Variants in FOXRED2 observed in about 807,000 individuals in gnomAD.
FOXRED2 encodes FAD dependent oxidoreductase domain containing 2.
In FOXRED2, 32 loss-of-function variants were observed where a neutral mutation model predicts 52.5. That is an observed-to-expected ratio of 0.61 (90% CI 0.46 to 0.82). The LOEUF is 0.82. Ranked by LOEUF, FOXRED2 falls within the 40% of genes least tolerant of loss-of-function variation. FOXRED2 has a pLI of 0.00. For synonymous variants in FOXRED2, 405 were observed against 398.1 expected, an observed-to-expected ratio of 1.02 and a Z score of -0.21; for missense variants, 848 against 937.5, an observed-to-expected ratio of 0.90 and a Z score of 1.25.
Position 36,504,347 on chromosome 22 carries a change from A to G in FOXRED2, c.800T>C (p.Leu267Pro), listed in dbSNP as rs776892431. The change falls in exon 4 of 9, where the codon CTG (leucine) becomes CCG (proline). Residue 267 changes from leucine (L) to proline (P), a missense_variant. Physicochemically the swap from Leu to Pro is moderately conservative, Grantham distance 98. Coordinates refer to ENST00000397224, the MANE Select transcript of FOXRED2 (RefSeq NM_001102371.2). ...CAGGGACTTGAGCTGGTAGGTATCC[A>G]GCAGGCCATTGTTGATGGCTCTGAG... ...GDLRAINNGL[L>P]DTYQLKSLDG... 1 of 1,614,160 alleles carries G rather than the reference A, an allele frequency of 6.2e-7. No individual in the cohort carries two copies. The highest frequency in any genetic ancestry group is 1.1e-5 in the South Asian group (1 of 91,084).
At chr22:36,493,932 G>C in intron 7 of FOXRED2, 129 bp from the exon 8 acceptor site, 1 of 744,372 alleles carries the variant, frequency 1.3e-6, no homozygotes, top group Non-Finnish European at 2.2e-6. Context: ...TTTCCCGACA[G>C]CCTCCTATGC....
At chr22:36,497,844 T>A in intron 6 of FOXRED2, 147 bp downstream of exon 6, 1 of 862,700 alleles carries the variant, frequency 1.2e-6, no homozygotes, top group Non-Finnish European at 1.8e-6. Flanking sequence ...AATGTCATTG[T>A]TTTTCCCCAG....
chr22:36,505,149 G>C (rs1479081209), intron 2 of FOXRED2, among the ~76,000 whole-genome samples: 1 of 152,146 alleles, frequency 6.6e-6, no homozygotes, highest in Non-Finnish European at 1.5e-5. Context: ...TCCCCTTTCT[G>C]AGTCCTCTGA....
chr22:36,497,217 G>A (rs978899726), intron 6 of FOXRED2, among the ~76,000 whole-genome samples: 1 of 151,846 alleles, frequency 6.6e-6, no homozygotes, highest in African/African-American at 2.4e-5. Flanking sequence ...GTGGGTGCCT[G>A]TAATCCCAGC....
chr22:36,490,109 C>T lies in FOXRED2; in HGVS notation c.1954G>A (p.Glu652Lys). ...TCGCCAAGCTGCTGGCTGCTGTCCT[C>T]CAGGCGCCTGCCTGTGGGGGCATAG... Reference protein sequence around the residue: ...RDYAPTGRRLEDSSQQLGDQE... With the variant: ...RDYAPTGRRLKDSSQQLGDQE... Residue 652 changes from glutamate (E) to lysine (K), a missense_variant, in exon 9 of 9, where the codon GAG becomes AAG. Physicochemically the swap from Glu to Lys is moderately conservative, Grantham distance 56. Coordinates refer to ENST00000397224, the MANE Select transcript of FOXRED2 (RefSeq NM_001102371.2). 1 of 1,613,928 alleles carries T rather than the reference C, an allele frequency of 6.2e-7. No homozygotes were observed. The highest frequency in any genetic ancestry group is 1.1e-5 in the South Asian group (1 of 91,076).
chr22:36,497,955 G>C, intron 6 of FOXRED2, 36 bp downstream of exon 6: 4 of 1,595,116 alleles, frequency 2.5e-6, no homozygotes, highest in Non-Finnish European at 3.4e-6. Context: ...CGGGAAAGCT[G>C]GGCCGAGGGG....
rs368259845 is a variant in FOXRED2 at position 36,504,189 on chromosome 22, G to C, written c.958C>G (p.Gln320Glu). 72 of 1,614,240 alleles carry C rather than the reference G, an allele frequency of 4.5e-5. No homozygotes were observed. The Middle Eastern group carries it at 8.2e-4, about 18-fold the overall frequency. ...ATGGCAAAGTTGTCATTGTCGTCCT[G>C]GGGGAGGGTGATGGAGTCGGCACTC... ...NQSADSITLP[Q>E]DDNDNFAMRV... The change falls in exon 4 of 9, where the codon CAG becomes GAG. Residue 320 changes from glutamine (Q) to glutamate (E), a missense_variant. Transcript: ENST00000397224.
Position 36,504,839 on chromosome 22 carries a change from GACCC to G in FOXRED2, c.528-77_528-74del, listed in dbSNP as rs371724380. On this transcript the variant is annotated intron_variant, in intron 2 of 8. Coordinates refer to ENST00000397224, the MANE Select transcript of FOXRED2 (RefSeq NM_001102371.2). Reference sequence around the variant, plus strand: ...ACCACTAAGTGAAAACCACTCCCTGGACCCACCCACCCACCTGCCTGGCTCCAAC... The same window carrying G: ...ACCACTAAGTGAAAACCACTCCCTGGACCCACCCACCTGCCTGGCTCCAAC... 5.3e-5 allele frequency: 81 copies of G among 1,529,126 alleles called. No homozygotes were observed. In the Middle Eastern group the frequency reaches 1.7e-3, roughly 32 times the overall value. 94.7% of individuals were successfully genotyped at this position (1,529,126 alleles called of 1,614,324 possible). A position where few individuals can be genotyped will look rare whatever the true frequency, so the allele number is the denominator to read the frequency against.
rs1933641424 is a variant in FOXRED2 at position 36,487,695 on chromosome 22, T to C, written c.*2313A>G. On this transcript the variant is annotated 3_prime_UTR_variant, in exon 9 of 9. Transcript: ENST00000397224. ...TATGATATCCTACATTATCATGGGGTAAACAATTCGTCCCTGACAGAATAA... is the reference window on the plus strand; with the variant it reads ...TATGATATCCTACATTATCATGGGGCAAACAATTCGTCCCTGACAGAATAA... 1 of 152,150 alleles carries C rather than the reference T, an allele frequency of 6.6e-6. No individual in the cohort carries two copies. The highest frequency in any genetic ancestry group is 1.5e-5 in the Non-Finnish European group (1 of 68,032). The allele number at this position is 152,150 out of a possible 1,614,324, so 9.4% of individuals were successfully genotyped here. A position where few individuals can be genotyped will look rare whatever the true frequency, so the allele number is the denominator to read the frequency against.
chr22:36,494,046 G>A (rs1933829760), intron 7 of FOXRED2, among the ~76,000 whole-genome samples: 1 of 152,236 alleles, frequency 6.6e-6, no homozygotes, highest in Non-Finnish European at 1.5e-5. Flanking sequence ...AGGCAGTGCT[G>A]AAGCTAACAA....
At chr22:36,499,709 AACTG>A (rs1933994100) in intron 5 of FOXRED2, among the ~76,000 whole-genome samples, 1 of 151,998 alleles carries the variant, frequency 6.6e-6, no homozygotes, top group Non-Finnish European at 1.5e-5. Flanking sequence ...CTAACCACCT[AACTG>A]AATACTGTAT....
chr22:36,504,896 T>C, intron 2 of FOXRED2, 130 bp from the exon 3 acceptor site: 5 of 893,114 alleles, frequency 5.6e-6, no homozygotes, highest in Non-Finnish European at 8.5e-6. Flanking sequence ...AAATAGGACA[T>C]TCATTCATTC....
Position 36,504,517 on chromosome 22 carries a change from G to A in FOXRED2, c.777C>T (p.Leu259=). 6.2e-7 allele frequency: 1 copy of A among 1,614,150 alleles called. No individual in the cohort carries two copies. Among genetic ancestry groups the A allele is most frequent in the Non-Finnish European group, 8.5e-7 (1 of 1,180,022 alleles). ...ACACATGCGGGGATGTGGCCTACCT[G>A]AGGTCTCCAACGTAGTGGGTGGCCC... is the stretch of plus-strand genomic sequence containing the variant. The part of the protein sequence containing the change: ...LSWATHYVGD[L]RAINNGLLDT... Residue 259 remains leucine, a splice_region_variant and synonymous_variant, in exon 3 of 9, where the codon CTC becomes CTT. Transcript: ENST00000397224.
At chr22:36,498,244 T>C (rs1933956551) in intron 5 of FOXRED2, 88 bp from the exon 6 acceptor site, 2 of 1,467,136 alleles carry the variant, frequency 1.4e-6, no homozygotes, top group African/African-American at 2.8e-5. Flanking sequence ...CATTGACCCC[T>C]GAGAACGCCA....
rs1289129542 is a variant in FOXRED2, at chr22:36,505,823, T to C, written c.527+73A>G. 2.7e-6 allele frequency: 4 copies of C among 1,480,804 alleles called. No individual in the cohort carries two copies. The African/African-American group carries it at 5.6e-5, about 21-fold the overall frequency. The allele number at this position is 1,480,804 out of a possible 1,614,324, so 91.7% of individuals were successfully genotyped here. A position where few individuals can be genotyped will look rare whatever the true frequency, so the allele number is the denominator to read the frequency against. ...TTTCGTCCATTCCTCCCATACCTAC[T>C]GGCCAATCAAGGTGTGTGGTTCGTG... is the stretch of plus-strand genomic sequence containing the variant. On this transcript the variant is annotated intron_variant, in intron 2 of 8. Coordinates refer to ENST00000397224, the MANE Select transcript of FOXRED2 (RefSeq NM_001102371.2).
In FOXRED2 at chr22:36,489,763, G is replaced by A; in HGVS notation, c.*245C>T. The stretch of plus-strand genomic sequence containing the variant: ...CTCCATTGCAGACAAACTGGGCTGG[G>A]GAAGGCAGCTCCCACCTGGCAGAGG... On this transcript the variant is annotated 3_prime_UTR_variant, in exon 9 of 9. Coordinates refer to ENST00000397224, the MANE Select transcript of FOXRED2 (RefSeq NM_001102371.2). The A allele has an allele frequency of 2.3e-6, 1 of 436,148 alleles. No homozygotes were observed. The highest frequency in any genetic ancestry group is 4.1e-6 in the Non-Finnish European group (1 of 243,834). The allele number at this position is 436,148 out of a possible 1,614,324, so 27.0% of individuals were successfully genotyped here. A position where few individuals can be genotyped will look rare whatever the true frequency, so the allele number is the denominator to read the frequency against.
intron 8 of FOXRED2, among the ~76,000 whole-genome samples, chr22:36,492,749 C>T (rs748291391): frequency 6.6e-6 from 1 of 152,156 alleles, no homozygotes; most frequent in East Asian, 1.9e-4. Context: ...AACTCCTGAC[C>T]TCAGGTGATC....
Position 36,503,954 on chromosome 22 carries a change from G to A in FOXRED2, c.1049+144C>T, listed in dbSNP as rs141301510. 20 of 948,592 alleles carry A rather than the reference G, an allele frequency of 2.1e-5. No individual in the cohort carries two copies. In the East Asian group the frequency reaches 4.8e-4, roughly 23 times the overall value. 58.8% of individuals were successfully genotyped at this position (948,592 alleles called of 1,614,324 possible). A position where few individuals can be genotyped will look rare whatever the true frequency, so the allele number is the denominator to read the frequency against. The stretch of plus-strand genomic sequence containing the variant: ...AATGGTCAGAGCTCATGTCCTGGAG[G>A]GAAATCAGGCAGCACTCACATCCAT... On this transcript the variant is annotated intron_variant, in intron 4 of 8. Coordinates refer to ENST00000397224, the MANE Select transcript of FOXRED2 (RefSeq NM_001102371.2).
chr22:36,502,302 C>T (rs1190296496), intron 4 of FOXRED2, among the ~76,000 whole-genome samples: 1 of 152,226 alleles, frequency 6.6e-6, no homozygotes, highest in Non-Finnish European at 1.5e-5. Flanking sequence ...TGTCTTTCTG[C>T]ACCCTGGTCA....
Sources: allele counts gnomAD v4.1 joint callset (sites outside exome capture counted in the v4.1 genomes callset), GRCh38; gene constraint gnomAD v4.1.1; transcripts MANE v1.5; gene names NCBI Gene and HGNC (gene_info 2026-07-23, HGNC 2026-07-21).